KIAA0825: variants seen among roughly 807,000 people sequenced by gnomAD.
KIAA0825 encodes uncharacterized protein KIAA0825.
Under a neutral mutation model 147.6 loss-of-function variants are expected in KIAA0825, and 119 were observed. The observed-to-expected ratio is 0.81, with a 90% CI of 0.69 to 0.94. The LOEUF (loss-of-function observed/expected upper bound fraction) is 0.94. Among genes scored for constraint, KIAA0825 ranks in the 40% least tolerant of loss-of-function variants. KIAA0825 has a pLI of 0.00. For missense variants in KIAA0825, 1,381 were observed against 1,472.7 expected (o/e 0.94, Z 1.02); for synonymous variants, 470 against 518.1 (o/e 0.91, Z 1.26).
At chr5:94,599,534 A>T (rs976847796) in intron 1 of KIAA0825, among the ~76,000 whole-genome samples, 2 of 152,100 alleles carry the variant, frequency 1.3e-5, no homozygotes, top group Non-Finnish European at 2.9e-5. Context: ...CAAAAACTTT[A>T]AGAACTAAAA....
At chr5:94,487,978 A>C (rs1307406470) in intron 5 of KIAA0825, among the ~76,000 whole-genome samples, 1 of 151,978 alleles carries the variant, frequency 6.6e-6, no homozygotes, top group Non-Finnish European at 1.5e-5. Context: ...CAAAACAAAA[A>C]AATGGCTCCA....
intron 20 of KIAA0825, among the ~76,000 whole-genome samples, chr5:94,297,154 C>T (rs1778174676): frequency 1.3e-5 from 2 of 152,168 alleles, no homozygotes; most frequent in South Asian, 4.1e-4. Flanking sequence ...GGAAACTCGG[C>T]TGCATGTGAT....
intron 20 of KIAA0825, among the ~76,000 whole-genome samples, chr5:94,247,301 G>A (rs932947535): frequency 5.9e-5 from 9 of 152,046 alleles, no homozygotes; most frequent in East Asian, 1.9e-4. Context: ...ACTTTTGACC[G>A]GTAATGAATG....
chr5:94,519,814 T>C (rs752967354), intron 5 of KIAA0825: 2 of 772,744 alleles, frequency 2.6e-6, no homozygotes, highest in Non-Finnish European at 3.1e-6. Context: ...AAATCATACT[T>C]TTCTGTTATG....
At chr5:94,422,780 T>C (rs368229846) in intron 14 of KIAA0825, among the ~76,000 whole-genome samples, 4 of 152,310 alleles carry the variant, frequency 2.6e-5, no homozygotes, top group East Asian at 3.9e-4. Flanking sequence ...GCCTAAAGTA[T>C]CCATTGTTCA....
At chr5:94,335,346 A>G (rs1781695928) in intron 20 of KIAA0825, among the ~76,000 whole-genome samples, 1 of 152,114 alleles carries the variant, frequency 6.6e-6, no homozygotes, top group Admixed American at 6.5e-5. Context: ...CTTTTGTTTC[A>G]GTCTAATCTT....
chr5:94,364,573 G>A lies in KIAA0825; in HGVS notation c.3710+19795C>T, dbSNP rs189827487. 5.4e-3 allele frequency among the ~76,000 whole-genome samples: 818 copies of A among 151,894 alleles called. 2 individuals are homozygous for A. Among genetic ancestry groups the A allele is most frequent in the Admixed American group, 8.3e-3 (127 of 15,256 alleles). The stretch of plus-strand genomic sequence containing the variant: ...ATTTTTTTGTATTTTTAGTAGAGAC[G>A]GGGTTTCACTGTGTTAGCCAGGATG... On this transcript the variant is annotated intron_variant, in intron 20 of 20. Transcript: ENST00000682413.
chr5:94,574,719 AT>A lies in KIAA0825; in HGVS notation c.-2+7713del, dbSNP rs201204864. Among the ~76,000 whole-genome samples the A allele has an allele frequency of 6.9e-3, 1,056 of 151,998 alleles. 14 individuals carry two copies. The highest frequency in any genetic ancestry group is 0.024 in the African/African-American group (976 of 41,462). On this transcript the variant is annotated intron_variant, in intron 2 of 20. Transcript: ENST00000682413. ...TTATGTCTTCATTTTTTTTAAATTAATTTTTGTTAGTTTGTCTTTTTAGAGT... is the reference window on the plus strand; with the variant it reads ...TTATGTCTTCATTTTTTTTAAATTAATTTTGTTAGTTTGTCTTTTTAGAGT...
chr5:94,351,102 C>A (rs1383730356), intron 20 of KIAA0825, among the ~76,000 whole-genome samples: 1 of 151,946 alleles, frequency 6.6e-6, no homozygotes, highest in African/African-American at 2.4e-5. Context: ...TAAAGGGCAT[C>A]CAAATTGGTT....
intron 20 of KIAA0825, among the ~76,000 whole-genome samples, chr5:94,352,683 T>C (rs1783812569): frequency 6.6e-6 from 1 of 152,154 alleles, no homozygotes. Context: ...TGCCCATCAA[T>C]CAATGAGTGG....
chr5:94,337,494 T>A (rs558870172), intron 20 of KIAA0825, among the ~76,000 whole-genome samples: 3 of 152,338 alleles, frequency 2.0e-5, no homozygotes, highest in Admixed American at 6.5e-5. Flanking sequence ...CTTTGACACT[T>A]TTTAAAGAGC....
chr5:94,425,327 A>C (rs1172017236), intron 14 of KIAA0825, among the ~76,000 whole-genome samples: 2 of 152,250 alleles, frequency 1.3e-5, no homozygotes, highest in Non-Finnish European at 2.9e-5. Flanking sequence ...AGGATGGTTT[A>C]GCATACATAA....
intron 3 of KIAA0825, among the ~76,000 whole-genome samples, chr5:94,529,262 CAT>C (rs1285658277): frequency 1.5e-4 from 19 of 127,278 alleles, no homozygotes; most frequent in Non-Finnish European, 3.1e-4. Context: ...ATGTATATAT[CAT>C]ATATATGTAT....
chr5:94,418,176 CAT>C (rs1753712343), intron 14 of KIAA0825, among the ~76,000 whole-genome samples: 1 of 152,096 alleles, frequency 6.6e-6, no homozygotes, highest in African/African-American at 2.4e-5. Context: ...AACTATCTTG[CAT>C]AAATCTAAAG....
chr5:94,333,418 G>T (rs906705350), intron 20 of KIAA0825, among the ~76,000 whole-genome samples: 1 of 149,536 alleles, frequency 6.7e-6, no homozygotes, highest in African/African-American at 2.5e-5. Context: ...GTTTAAGGAA[G>T]GGGTTCAGTA....
chr5:94,220,158 T>C lies in KIAA0825; in HGVS notation c.3711-66034A>G, dbSNP rs58483460. On this transcript the variant is annotated intron_variant, in intron 20 of 20. Transcript: ENST00000682413. The stretch of plus-strand genomic sequence containing the variant: ...TTTTTTACTTCTGAAATTTTTTTTG[T>C]TAAAAACTAAGACTGAAACACACAC... 2.4e-3 allele frequency among the ~76,000 whole-genome samples: 373 copies of C among 152,312 alleles called. 11 individuals are homozygous for C. In the East Asian group the frequency reaches 0.055, roughly 22 times the overall value.
chr5:94,414,714 C>T (rs1237161883), intron 15 of KIAA0825: 2 of 152,132 alleles, frequency 1.3e-5, no homozygotes, highest in African/African-American at 4.8e-5. Context: ...GGGTCCCCAA[C>T]CCCTAGACTG....
At chr5:94,269,834 AC>A (rs1776902660) in intron 20 of KIAA0825, among the ~76,000 whole-genome samples, 1 of 152,092 alleles carries the variant, frequency 6.6e-6, no homozygotes, top group African/African-American at 2.4e-5. Flanking sequence ...TGAAATTGAA[AC>A]AAAGAATACA....
At chr5:94,326,220 G>A (rs1285429102) in intron 20 of KIAA0825, among the ~76,000 whole-genome samples, 2 of 151,990 alleles carry the variant, frequency 1.3e-5, no homozygotes, top group East Asian at 3.9e-4. Context: ...ATCATCAAAT[G>A]CTTGCTTCCA....
Sources: gnomAD v4.1 joint callset for allele counts (sites outside exome capture counted in the v4.1 genomes callset) on GRCh38, gnomAD v4.1.1 for gene constraint, MANE v1.5 for transcripts, NCBI Gene and HGNC (gene_info 2026-07-23, HGNC 2026-07-21) for gene names.